FAM53A: variants seen among roughly 807,000 people sequenced by gnomAD.
FAM53A encodes family with sequence similarity 53 member A, also known as protein FAM53A.
FAM53A carries 28 observed loss-of-function variants against 26.6 expected under a neutral mutation model. The ratio of observed to expected loss-of-function variants is 1.05; its 90% CI spans 0.78 to 1.45. FAM53A has a LOEUF of 1.45. FAM53A is among the 40% of genes most tolerant of loss of function. The probability of loss-of-function intolerance (pLI) is 0.00; values close to 1 mark genes in which losing one functional copy is unlikely to be tolerated. For missense variants in FAM53A, 650 were observed against 575.8 expected, an observed-to-expected ratio of 1.13 and a Z score of -1.32; for synonymous variants, 290 against 253.1, an observed-to-expected ratio of 1.15 and a Z score of -1.38.
At chr4:1,664,828 A>C (rs1407716105) in intron 2 of FAM53A, among the ~76,000 whole-genome samples, 1 of 151,812 alleles carries the variant, frequency 6.6e-6, no homozygotes, top group Non-Finnish European at 1.5e-5. Context: ...AAATACAAAA[A>C]TTAGCTGGGC....
chr4:1,612,934 C>T (rs1429801336), downstream of FAM53A, among the ~76,000 whole-genome samples: 2 of 152,224 alleles, frequency 1.3e-5, no homozygotes, highest in Non-Finnish European at 2.9e-5. Context: ...TGGCCTGCTA[C>T]ACATATGTAC....
At chr4:1,670,366 G>A (rs1714550673) in intron 1 of FAM53A, among the ~76,000 whole-genome samples, 1 of 152,234 alleles carries the variant, frequency 6.6e-6, no homozygotes, top group Non-Finnish European at 1.5e-5. Context: ...CACCAACACA[G>A]CAGCGACGCG....
the FAM53A span, among the ~76,000 whole-genome samples, chr4:1,583,736 C>T: frequency 3.3e-5 from 5 of 152,218 alleles, no homozygotes; most frequent in African/African-American, 4.8e-5. Context: ...TCGTTCTTGC[C>T]GGCTCATGGG....
upstream of FAM53A, among the ~76,000 whole-genome samples, chr4:1,685,151 T>G (rs770086544): frequency 6.6e-6 from 1 of 152,104 alleles, no homozygotes; most frequent in Non-Finnish European, 1.5e-5. Context: ...GTGCTGGCCC[T>G]GGGCTGTGTG....
chr4:1,640,843 C>T lies in FAM53A; in HGVS notation c.*450G>A, dbSNP rs915029951. 5 of 409,280 alleles carry T rather than the reference C, an allele frequency of 1.2e-5. No individual in the cohort carries two copies. Among genetic ancestry groups the T allele is most frequent in the East Asian group, 8.6e-5 (1 of 11,576 alleles). The allele number at this position is 409,280 out of a possible 1,614,324, so 25.4% of individuals were successfully genotyped here. A position where few individuals can be genotyped will look rare whatever the true frequency, so the allele number is the denominator to read the frequency against. On this transcript the variant is annotated 3_prime_UTR_variant, in exon 5 of 5. Coordinates refer to ENST00000308132, the MANE Select transcript of FAM53A (RefSeq NM_001174070.3). ...GGGCAGGTGCAGGCGGCAGCCATGG[C>T]CCCGACCAGCTCACAGGAAACCTAC...
chr4:1,667,991 G>C (rs1235539252), intron 2 of FAM53A, among the ~76,000 whole-genome samples: 5 of 152,240 alleles, frequency 3.3e-5, no homozygotes, highest in Non-Finnish European at 7.3e-5. Flanking sequence ...GCTCCCTTGG[G>C]AGGCGCGGCT....
the FAM53A span, among the ~76,000 whole-genome samples, chr4:1,575,713 T>C: frequency 6.6e-6 from 1 of 151,882 alleles, no homozygotes; most frequent in African/African-American, 2.4e-5. Context: ...ACCCCTGGGG[T>C]CCTAAACAAG....
In FAM53A at chr4:1,675,705, C is replaced by A. The variant is rs565705572; in HGVS notation, c.-164-6800G>T. Reference sequence around the variant, plus strand: ...ATACACTGGGCAACCCTTGGCCCGACCTCAGCGGAAAGCAGATCACAATGC... The same window carrying A: ...ATACACTGGGCAACCCTTGGCCCGAACTCAGCGGAAAGCAGATCACAATGC... On this transcript the variant is annotated intron_variant, in intron 1 of 4. Transcript: ENST00000308132. Among the ~76,000 whole-genome samples, 5 of 152,334 alleles carry A rather than the reference C, an allele frequency of 3.3e-5. No individual in the cohort carries two copies. In the South Asian group the frequency reaches 8.3e-4, roughly 25 times the overall value.
At chr4:1,593,441 C>G in the FAM53A span, among the ~76,000 whole-genome samples, 1 of 152,222 alleles carries the variant, frequency 6.6e-6, no homozygotes, top group Non-Finnish European at 1.5e-5. Flanking sequence ...CCGGCTCCCC[C>G]CTCGGTAGAT....
At chr4:1,597,834 A>G in the FAM53A span, among the ~76,000 whole-genome samples, 1 of 152,358 alleles carries the variant, frequency 6.6e-6, no homozygotes, top group East Asian at 1.9e-4. Flanking sequence ...CATCTCTACT[A>G]AAAGTACAAA....
At chr4:1,678,756 AG>A (rs1715208367) in intron 1 of FAM53A, among the ~76,000 whole-genome samples, 1 of 151,912 alleles carries the variant, frequency 6.6e-6, no homozygotes, top group Admixed American at 6.6e-5. Flanking sequence ...CGGGAGGCAA[AG>A]GTTGCAATGA....
chr4:1,612,608 C>T, the FAM53A span, among the ~76,000 whole-genome samples: 1 of 152,198 alleles, frequency 6.6e-6, no homozygotes, highest in Admixed American at 6.5e-5. Context: ...ATAAATGATA[C>T]CTGCACAGAT....
At position 1,684,298 on chromosome 4, in the gene FAM53A, G is replaced by A. The variant is rs1234412666; in HGVS notation, c.-230C>T. On this transcript the variant is annotated 5_prime_UTR_variant, in exon 1 of 5. Transcript: ENST00000308132. ...GCCGCCCAGGCCCCGCTCGCTCAGG[G>A]CGACGCGCCTCAGCCGCGGCGGAAC... 3 of 151,042 alleles carry A rather than the reference G, an allele frequency of 2.0e-5. No individual in the cohort carries two copies. The highest frequency in any genetic ancestry group is 1.9e-4 in the East Asian group (1 of 5,130). 9.4% of individuals were successfully genotyped at this position (151,042 alleles called of 1,614,324 possible).
downstream of FAM53A, among the ~76,000 whole-genome samples, chr4:1,613,951 A>G (rs1560098900): frequency 6.6e-6 from 1 of 152,232 alleles, no homozygotes; most frequent in Non-Finnish European, 1.5e-5. Context: ...AGGCTTCAGA[A>G]ACTGATACGA....
At chr4:1,596,833 CAG>C in the FAM53A span, among the ~76,000 whole-genome samples, 3,994 of 151,886 alleles carry the variant, frequency 0.026, 166 homozygotes, top group African/African-American at 0.089. Context: ...AGGGGAGAGA[CAG>C]AGATGGGGAA....
intron 4 of FAM53A, among the ~76,000 whole-genome samples, chr4:1,643,237 C>T (rs369918408): frequency 4.6e-5 from 7 of 152,190 alleles, no homozygotes; most frequent in South Asian, 4.2e-4. Context: ...GAGGCCGGGG[C>T]GGGCGGATCA....
intron 1 of FAM53A, among the ~76,000 whole-genome samples, chr4:1,671,181 A>G (rs1402659560): frequency 6.0e-5 from 9 of 150,074 alleles, no homozygotes; most frequent in African/African-American, 2.2e-4. Context: ...CCACCAGCTC[A>G]CAGCCACAGC....
chr4:1,644,687 C>G (rs566746057), intron 4 of FAM53A: 3 of 224,676 alleles, frequency 1.3e-5, no homozygotes, highest in South Asian at 1.1e-4. Flanking sequence ...AAAGGTCAAG[C>G]CTTCAAGTTC....
the FAM53A span, among the ~76,000 whole-genome samples, chr4:1,601,720 C>A: frequency 2.7e-5 from 3 of 109,742 alleles, 1 homozygote; most frequent in African/African-American, 8.8e-5. Flanking sequence ...GCACCCCCTG[C>A]CCCTGGGCTG....
Sources: allele counts gnomAD v4.1 joint callset (sites outside exome capture counted in the v4.1 genomes callset), GRCh38; gene constraint gnomAD v4.1.1; transcripts MANE v1.5; gene names NCBI Gene and HGNC (gene_info 2026-07-23, HGNC 2026-07-21).